Variants in MEGF11 observed in about 807,000 individuals in gnomAD.
MEGF11 encodes multiple epidermal growth factor-like domains protein 11.
Under a neutral mutation model 146.6 loss-of-function variants are expected in MEGF11, and 126 were observed. The ratio of observed to expected loss-of-function variants is 0.86; its 90% confidence interval spans 0.74 to 1.00. The LOEUF is 1.00. Ranked by LOEUF, MEGF11 falls within the 50% of genes least tolerant of loss-of-function variation. The pLI, the probability that MEGF11 is intolerant of heterozygous loss-of-function variation, is 0.00. For synonymous variants in MEGF11, 532 were observed against 583.4 expected, an observed-to-expected ratio of 0.91 and a Z score of 1.27; for missense variants, 1,509 against 1,521.2, an observed-to-expected ratio of 0.99 and a Z score of 0.13.
rs578023482 is a variant in MEGF11 at position 66,051,556 on chromosome 15, C to G, written c.394+42846G>C. Among the ~76,000 whole-genome samples, 5 of 152,336 alleles carry G rather than the reference C, an allele frequency of 3.3e-5. No homozygotes were observed. In the South Asian group the frequency reaches 1.0e-3, roughly 32 times the overall value. On this transcript the variant is annotated intron_variant, in intron 5 of 25. Transcript: ENST00000395614. The stretch of plus-strand genomic sequence containing the variant: ...AGTCAGCTCTCTCTCAAAGGCTTCC[C>G]CCTGCCCATTCCACCAGATGAGAGC...
At chr15:66,034,397 G>C (rs1400016399) in intron 5 of MEGF11, among the ~76,000 whole-genome samples, 1 of 16,524 alleles carries the variant, frequency 6.1e-5, no homozygotes, top group Non-Finnish European at 8.2e-4. Context: ...GTGGAATGCT[G>C]GTTTTTTTTT....
intron 1 of MEGF11, among the ~76,000 whole-genome samples, chr15:66,157,481 C>G (rs2089802076): frequency 6.6e-6 from 1 of 152,208 alleles, no homozygotes; most frequent in South Asian, 2.1e-4. Flanking sequence ...GGAATCAAAT[C>G]TGGGGGTGGA....
intron 1 of MEGF11, among the ~76,000 whole-genome samples, chr15:66,188,256 G>A (rs1008950376): frequency 4.0e-5 from 6 of 150,436 alleles, no homozygotes; most frequent in Non-Finnish European, 7.4e-5. Flanking sequence ...AGAGAGAGAA[G>A]GGTAAAGAAT....
At chr15:66,219,155 C>T (rs769692495) in intron 1 of MEGF11, among the ~76,000 whole-genome samples, 1 of 151,960 alleles carries the variant, frequency 6.6e-6, no homozygotes, top group Non-Finnish European at 1.5e-5. Flanking sequence ...TCTCTTAGGG[C>T]AAAGAGTTCT....
chr15:66,084,542 C>A (rs2086022943), intron 5 of MEGF11, among the ~76,000 whole-genome samples: 1 of 152,154 alleles, frequency 6.6e-6, no homozygotes, highest in Admixed American at 6.5e-5. Flanking sequence ...CACCCCCCCA[C>A]TGGAGAGGCT....
At chr15:66,107,718 C>T (rs1292063904) in intron 4 of MEGF11, among the ~76,000 whole-genome samples, 1 of 152,122 alleles carries the variant, frequency 6.6e-6, no homozygotes, top group Admixed American at 6.5e-5. Context: ...AGCAGGCCAC[C>T]CTCCACTCTG....
At position 66,117,559 on chromosome 15, in the gene MEGF11, C is replaced by T. The variant is rs1029583023; in HGVS notation, c.301+1527G>A. On this transcript the variant is annotated intron_variant, in intron 4 of 25. Coordinates refer to ENST00000395614, the MANE Select transcript of MEGF11 (RefSeq NM_001385028.1). Reference sequence around the variant, plus strand: ...GTGCTCGTCCATTCCTGGATCTCTGCGCTGACGTCCAAACTCCCTTCATAA... The same window carrying T: ...GTGCTCGTCCATTCCTGGATCTCTGTGCTGACGTCCAAACTCCCTTCATAA... Among the ~76,000 whole-genome samples the T allele has an allele frequency of 5.3e-5, 8 of 152,274 alleles. No homozygotes were observed. In the East Asian group the frequency reaches 7.7e-4, roughly 15 times the overall value.
At chr15:66,020,451 C>CTCTGT (rs1198615346) in intron 5 of MEGF11, among the ~76,000 whole-genome samples, 1 of 152,214 alleles carries the variant, frequency 6.6e-6, no homozygotes, top group African/African-American at 2.4e-5. Context: ...CAACATCCAC[C>CTCTGT]TCTGTTCTTT....
chr15:66,154,174 G>A lies in MEGF11; in HGVS notation c.-8-25763C>T, dbSNP rs531316795. Among the ~76,000 whole-genome samples, 6 of 152,346 alleles carry A rather than the reference G, an allele frequency of 3.9e-5. 1 individual carries two copies. In the South Asian group the frequency reaches 1.2e-3, roughly 32 times the overall value. Reference sequence around the variant, plus strand: ...CCCAGCAGTGCCAGCAGGTGTGGCTGGAGTAAATGATAGTGTAACCCTTGC... The same window carrying A: ...CCCAGCAGTGCCAGCAGGTGTGGCTAGAGTAAATGATAGTGTAACCCTTGC... On this transcript the variant is annotated intron_variant, in intron 1 of 25. Coordinates refer to ENST00000395614, the MANE Select transcript of MEGF11 (RefSeq NM_001385028.1).
chr15:66,169,608 G>C (rs1411640964), intron 1 of MEGF11, among the ~76,000 whole-genome samples: 4 of 152,252 alleles, frequency 2.6e-5, no homozygotes, highest in Non-Finnish European at 2.9e-5. Context: ...GTCTCAGCGA[G>C]CACTGACATC....
chr15:65,919,734 G>A (rs1393494470), intron 15 of MEGF11, among the ~76,000 whole-genome samples: 1 of 152,126 alleles, frequency 6.6e-6, no homozygotes, highest in East Asian at 1.9e-4. Context: ...AGGTTCAAGC[G>A]ATTCTCCTGC....
At chr15:66,128,003 G>GGACA (rs1011086874) in intron 2 of MEGF11, among the ~76,000 whole-genome samples, 3 of 152,224 alleles carry the variant, frequency 2.0e-5, no homozygotes, top group African/African-American at 7.2e-5. Flanking sequence ...ATCTGGCTGT[G>GGACA]GACAGGGACT....
At chr15:66,135,327 G>T (rs2088841200) in intron 1 of MEGF11, among the ~76,000 whole-genome samples, 1 of 152,244 alleles carries the variant, frequency 6.6e-6, no homozygotes, top group South Asian at 2.1e-4. Context: ...CCCTGGATCA[G>T]TCTTAACTGT....
rs1467752494 is a variant in MEGF11, at chr15:65,982,233, A to T, written c.641+9T>A. The T allele has an allele frequency of 1.8e-5, 23 of 1,294,982 alleles. No individual in the cohort carries two copies. In the East Asian group the frequency reaches 1.2e-3, roughly 69 times the overall value. The allele number at this position is 1,294,982 out of a possible 1,614,324, so 80.2% of individuals were successfully genotyped here. On this transcript the variant is annotated intron_variant, in intron 6 of 25. Transcript: ENST00000395614. The surrounding 1 kb of genome is among the most constrained non-coding windows in gnomAD (Gnocchi z 5.6). ...GTCCCGCCCCTCCAGGTCCTGCCGC[A>T]TGACTCACTAGACGCCGGTGTAGCC...
At chr15:65,918,672 C>G (rs1481052968) in intron 15 of MEGF11, among the ~76,000 whole-genome samples, 1 of 152,212 alleles carries the variant, frequency 6.6e-6, no homozygotes, top group Non-Finnish European at 1.5e-5. Context: ...CAAGAAAGCC[C>G]TCCTGAGTTC....
In MEGF11 at chr15:66,046,690, A is replaced by G. The variant is rs143922595; in HGVS notation, c.394+47712T>C. Reference sequence around the variant, plus strand: ...GTAGCAGACACCGTGCCCACTTCTAAAGAGAGAGCCCAGAGCAGTGATGAG... The same window carrying G: ...GTAGCAGACACCGTGCCCACTTCTAGAGAGAGAGCCCAGAGCAGTGATGAG... On this transcript the variant is annotated intron_variant, in intron 5 of 25. Coordinates refer to ENST00000395614, the MANE Select transcript of MEGF11 (RefSeq NM_001385028.1). Among the ~76,000 whole-genome samples the G allele has an allele frequency of 1.5e-4, 23 of 152,322 alleles. No homozygotes were observed. In the East Asian group the frequency reaches 4.2e-3, roughly 28 times the overall value.
chr15:66,045,794 C>T (rs896660630), intron 5 of MEGF11, among the ~76,000 whole-genome samples: 1 of 152,102 alleles, frequency 6.6e-6, no homozygotes, highest in Non-Finnish European at 1.5e-5. Context: ...TCCCTACAAC[C>T]CTGTGCAATA....
intron 1 of MEGF11, among the ~76,000 whole-genome samples, chr15:66,163,566 C>T (rs1390624122): frequency 2.0e-5 from 3 of 152,280 alleles, no homozygotes; most frequent in Non-Finnish European, 2.9e-5. Context: ...GTCCTGGCTC[C>T]CCATCCTGGG....
intron 2 of MEGF11, among the ~76,000 whole-genome samples, chr15:66,127,448 G>C (rs1016028928): frequency 1.3e-5 from 2 of 152,172 alleles, no homozygotes; most frequent in Non-Finnish European, 2.9e-5. Context: ...CCCTAGGGCT[G>C]GGCTATCCAC....
Sources: gnomAD v4.1 joint callset for allele counts (sites outside exome capture counted in the v4.1 genomes callset) on GRCh38, gnomAD v4.1.1 for gene constraint, Gnocchi (gnomAD v3.1) non-coding constraint, MANE v1.5 for transcripts, NCBI Gene and HGNC (gene_info 2026-07-23, HGNC 2026-07-21) for gene names.